The following RPS6KA2 variants were observed in gnomAD, a reference collection of about 807,000 sequenced individuals.
RPS6KA2 encodes ribosomal protein S6 kinase alpha-2.
A neutral mutation model predicts 91.8 loss-of-function variants in RPS6KA2; 42 were observed. The observed-to-expected ratio is 0.46, with a 90% confidence interval of 0.36 to 0.59. The LOEUF is 0.59. RPS6KA2 is among the 20% of genes least tolerant of loss of function. The pLI is 0.00. For synonymous variants in RPS6KA2, 414 were observed against 393.6 expected (o/e 1.05, Z -0.61); for missense variants, 798 against 978.5 (o/e 0.82, Z 2.46).
chr6:166,631,200 C>G (rs140033492), upstream of RPS6KA2, among the ~76,000 whole-genome samples: 1 of 152,292 alleles, frequency 6.6e-6, no homozygotes, highest in African/African-American at 2.4e-5. Context: ...TTCAAAATGA[C>G]AGAAATAAAG....
intron 2 of RPS6KA2, among the ~76,000 whole-genome samples, chr6:166,774,010 G>A (rs1256604831): frequency 1.3e-5 from 2 of 152,038 alleles, no homozygotes; most frequent in African/African-American, 2.4e-5. Context: ...ACAAATACTC[G>A]CCAACCTTTT....
intron 2 of RPS6KA2, among the ~76,000 whole-genome samples, chr6:166,856,960 C>T (rs920350098): frequency 2.1e-4 from 32 of 152,220 alleles, no homozygotes; most frequent in African/African-American, 7.0e-4. Context: ...TGGATCGCTG[C>T]GCAGCTAGAA....
At chr6:166,413,060 C>A (rs1035804702) in intron 20 of RPS6KA2, among the ~76,000 whole-genome samples, 173 bp from the exon 21 acceptor site, 1 of 152,072 alleles carries the variant, frequency 6.6e-6, no homozygotes, top group Non-Finnish European at 1.5e-5. Flanking sequence ...GGCCAGCACA[C>A]GTGGGCCCCA....
rs1327991685 is a variant in RPS6KA2 at position 166,825,070 on chromosome 6, C to T, written c.123+33130G>A. On this transcript the variant is annotated intron_variant, in intron 2 of 21. Transcript: ENST00000503859. This position sits in a 1 kb window ranked among gnomAD's most constrained non-coding sequence, Gnocchi z 4.1. ...CCACCCACACAGCAGTGCTGCAGAGCGCTGTTCTTCCACGAGGGAATAGCA... is the reference window on the plus strand; with the variant it reads ...CCACCCACACAGCAGTGCTGCAGAGTGCTGTTCTTCCACGAGGGAATAGCA... 2.6e-5 allele frequency among the ~76,000 whole-genome samples: 4 copies of T among 152,350 alleles called. No homozygotes were observed. The highest frequency in any genetic ancestry group is 1.9e-4 in the East Asian group (1 of 5,190).
intron 2 of RPS6KA2, among the ~76,000 whole-genome samples, chr6:166,761,104 C>T (rs557136714): frequency 3.3e-4 from 51 of 152,334 alleles, no homozygotes; most frequent in Non-Finnish European, 5.7e-4. Flanking sequence ...TGCTCTGTTG[C>T]CCAGGCTGGA....
chr6:166,432,476 G>A lies in RPS6KA2; in HGVS notation c.1347C>T (p.Ser449=). The A allele has an allele frequency of 6.2e-7, 1 of 1,611,824 alleles. No individual in the cohort carries two copies. Among genetic ancestry groups the A allele is most frequent in the Non-Finnish European group, 8.5e-7 (1 of 1,178,014 alleles). Residue 449 remains serine (S), a synonymous_variant, in exon 15 of 21, where the codon AGC becomes AGT. Transcript: ENST00000265678. Reference sequence around the variant, plus strand: ...CAATCTCTTCCGAGGGGTCTCTCTTGCTCTTATCAATGATCTGGAACAAAC... The same window carrying A: ...CAATCTCTTCCGAGGGGTCTCTCTTACTCTTATCAATGATCTGGAACAAAC... ...TEYAVKIIDK[S]KRDPSEEIEI...
intron 6 of RPS6KA2, 93 bp from the exon 7 acceptor site, chr6:166,501,017 G>C: frequency 8.3e-7 from 1 of 1,205,624 alleles, no homozygotes; most frequent in Non-Finnish European, 1.2e-6. Context: ...GGGGCAGCTG[G>C]GGGCGGACGT....
At chr6:166,516,519 C>T (rs2128485401) in intron 3 of RPS6KA2, among the ~76,000 whole-genome samples, 1 of 152,360 alleles carries the variant, frequency 6.6e-6, no homozygotes, top group East Asian at 1.9e-4. Context: ...TCTCTCTGAG[C>T]TGCCTGCTGG....
intron 7 of RPS6KA2, among the ~76,000 whole-genome samples, chr6:166,499,963 A>G (rs1358317768): frequency 6.6e-6 from 1 of 152,218 alleles, no homozygotes; most frequent in Non-Finnish European, 1.5e-5. Flanking sequence ...GAGATAGGGG[A>G]TGACCCTGGA....
intron 14 of RPS6KA2, among the ~76,000 whole-genome samples, chr6:166,436,329 A>C (rs1333538612): frequency 1.3e-5 from 2 of 151,898 alleles, no homozygotes; most frequent in Non-Finnish European, 2.9e-5. Flanking sequence ...AAAAAAAAAA[A>C]AAAAACCTCA....
chr6:166,478,008 T>G (rs1706623455), intron 10 of RPS6KA2, among the ~76,000 whole-genome samples: 1 of 152,232 alleles, frequency 6.6e-6, no homozygotes, highest in African/African-American at 2.4e-5. Flanking sequence ...TTTGGATGAA[T>G]AAATACGTCC....
chr6:166,762,418 G>T (rs560540533), intron 2 of RPS6KA2, among the ~76,000 whole-genome samples: 32 of 152,314 alleles, frequency 2.1e-4, no homozygotes, highest in Admixed American at 8.5e-4. Flanking sequence ...ATGTTAAACG[G>T]AGGACGGAAT....
chr6:166,451,896 C>G (rs1437271410), intron 12 of RPS6KA2, among the ~76,000 whole-genome samples: 1 of 152,206 alleles, frequency 6.6e-6, no homozygotes, highest in Non-Finnish European at 1.5e-5. Context: ...TTAAGAAAAA[C>G]AAAAGGATAA....
intron 1 of RPS6KA2, among the ~76,000 whole-genome samples, chr6:166,600,389 A>C (rs948277808): frequency 6.6e-6 from 1 of 152,252 alleles, no homozygotes; most frequent in African/African-American, 2.4e-5. Context: ...TCAGATGTTT[A>C]GCCAGGCAAT....
At chr6:166,548,113 C>T (rs1429715032) in intron 1 of RPS6KA2, among the ~76,000 whole-genome samples, 3 of 152,194 alleles carry the variant, frequency 2.0e-5, no homozygotes, top group Admixed American at 2.0e-4. Flanking sequence ...TTTCCCATTA[C>T]TCCAAAAAGA....
chr6:166,764,239 G>T (rs1778246817), intron 2 of RPS6KA2, among the ~76,000 whole-genome samples: 2 of 152,164 alleles, frequency 1.3e-5, no homozygotes, highest in African/African-American at 4.8e-5. Context: ...GGCACAGTGT[G>T]GTCAGGGTCA....
chr6:166,715,721 G>T (rs1789990686), intron 2 of RPS6KA2, among the ~76,000 whole-genome samples: 1 of 152,160 alleles, frequency 6.6e-6, no homozygotes, highest in Non-Finnish European at 1.5e-5. Flanking sequence ...GGCAGCTGCA[G>T]CTTCCTGGTC....
intron 3 of RPS6KA2, among the ~76,000 whole-genome samples, chr6:166,524,493 T>C (rs1052330649): frequency 6.6e-6 from 1 of 152,132 alleles, no homozygotes; most frequent in Non-Finnish European, 1.5e-5. Context: ...AGGCCTTTCA[T>C]ATTGTAACTG....
At chr6:166,850,068 AAG>A (rs1254067489) in intron 2 of RPS6KA2, among the ~76,000 whole-genome samples, 2 of 152,126 alleles carry the variant, frequency 1.3e-5, no homozygotes, top group Non-Finnish European at 2.9e-5. Flanking sequence ...TGCATTTGGC[AAG>A]TGGGATGTTT....
Sources: allele counts gnomAD v4.1 joint callset (sites outside exome capture counted in the v4.1 genomes callset), GRCh38; gene constraint gnomAD v4.1.1; non-coding constraint Gnocchi (gnomAD v3.1); transcripts MANE v1.5; gene names NCBI Gene and HGNC (gene_info 2026-07-23, HGNC 2026-07-21).